Variants in EFCAB3 observed in about 807,000 individuals in gnomAD.
The protein encoded by EFCAB3 is EF-hand calcium binding domain 3, also known as EF-hand calcium-binding domain-containing protein 3.
Under a neutral mutation model 42.2 loss-of-function variants are expected in EFCAB3, and 36 were observed. The observed-to-expected ratio is 0.85, with a 90% CI of 0.65 to 1.13. The LOEUF (loss-of-function observed/expected upper bound fraction) is 1.13, where lower values mean the gene tolerates loss of function less well. Ranked by LOEUF, EFCAB3 falls within the 50% of genes most tolerant of loss-of-function variation. The probability of loss-of-function intolerance (pLI) is 0.00; values close to 1 mark genes in which losing one functional copy is unlikely to be tolerated. For synonymous variants in EFCAB3, 170 were observed against 172.8 expected, an observed-to-expected ratio of 0.98 and a Z score of 0.13; for missense variants, 418 against 505.1, an observed-to-expected ratio of 0.83 and a Z score of 1.65.
At chr17:62,410,254 C>T (rs777490665) in intron 8 of EFCAB3, among the ~76,000 whole-genome samples, 6 of 146,228 alleles carry the variant, frequency 4.1e-5, no homozygotes, top group Non-Finnish European at 7.6e-5. Flanking sequence ...GGGCACAGTG[C>T]CTCATGCCTA....
In EFCAB3 at chr17:62,414,583, TTGTGTGTG is replaced by T. The variant is rs4058759; in HGVS notation, c.990+751_990+758del. Among the ~76,000 whole-genome samples, 55 of 148,806 alleles carry T rather than the reference TTGTGTGTG, an allele frequency of 3.7e-4. No individual in the cohort carries two copies. The East Asian group carries it at 8.3e-3, about 22-fold the overall frequency. On this transcript the variant is annotated intron_variant, in intron 9 of 9. Coordinates refer to ENST00000305286, the MANE Select transcript of EFCAB3 (RefSeq NM_173503.4). ...TATCTCAGGTGTTTGTTTGTTTGTT[TTGTGTGTG>T]TGTGTGTGTGTGTGTGTGTGTTTAA...
chr17:62,405,549 G>A (rs1437785138), intron 6 of EFCAB3, among the ~76,000 whole-genome samples: 2 of 152,248 alleles, frequency 1.3e-5, no homozygotes, highest in African/African-American at 4.8e-5. Context: ...CACTGCCAAA[G>A]CAGTGAGAAG....
At chr17:62,399,188 CTT>C (rs67731944) in intron 6 of EFCAB3, among the ~76,000 whole-genome samples, 49 of 146,932 alleles carry the variant, frequency 3.3e-4, no homozygotes, top group South Asian at 4.3e-4. Context: ...AAGCCAAAGT[CTT>C]TTTTTTTTTT....
Position 62,383,026 on chromosome 17 carries a change from C to T in EFCAB3, c.47C>T (p.Thr16Ile), listed in dbSNP as rs775330331. The T allele has an allele frequency of 8.7e-6, 14 of 1,613,348 alleles. No homozygotes were observed. The Admixed American group carries it at 2.3e-4, about 27-fold the overall frequency. The change falls in exon 2 of 10, where the codon ACA (threonine) becomes ATA (isoleucine). Residue 16 changes from threonine (T) to isoleucine (I), a missense_variant. By Grantham distance (89) the Thr-to-Ile change is moderately conservative. Coordinates refer to ENST00000305286, the MANE Select transcript of EFCAB3 (RefSeq NM_173503.4). ...IKPKLKLNPLTKVPISHNKRD... is the reference protein window; with the variant it reads ...IKPKLKLNPLIKVPISHNKRD... ...CCAAAACTTAAGCTGAATCCTCTAA[C>T]AAAAGTACCCATCTCCCACAATAAA...
chr17:62,392,737 A>G (rs544943526), intron 4 of EFCAB3, among the ~76,000 whole-genome samples: 6 of 151,928 alleles, frequency 3.9e-5, no homozygotes, highest in Non-Finnish European at 7.4e-5. Flanking sequence ...TCCTGGGTTC[A>G]CACCATTCTC....
chr17:62,393,517 C>T, intron 4 of EFCAB3, 56 bp from the exon 5 acceptor site: 1 of 1,323,740 alleles, frequency 7.6e-7, no homozygotes, highest in Non-Finnish European at 1.1e-6. Flanking sequence ...TTAATATATA[C>T]TCTGATAATT....
At chr17:62,383,924 A>G (rs1598007597) in intron 2 of EFCAB3, among the ~76,000 whole-genome samples, 1 of 152,254 alleles carries the variant, frequency 6.6e-6, no homozygotes, top group South Asian at 2.1e-4. Context: ...TACCTGTGAC[A>G]TTAACAATGG....
At chr17:62,399,397 G>T (rs1875664885) in intron 6 of EFCAB3, among the ~76,000 whole-genome samples, 1 of 151,906 alleles carries the variant, frequency 6.6e-6, no homozygotes, top group South Asian at 2.1e-4. Context: ...CAAACTCCTG[G>T]GCTCAAGAGA....
At chr17:62,398,702 TACACACAC>T (rs138374505) in intron 6 of EFCAB3, among the ~76,000 whole-genome samples, 4 of 148,896 alleles carry the variant, frequency 2.7e-5, no homozygotes, top group Admixed American at 1.3e-4. Flanking sequence ...ATTATATATG[TACACACAC>T]ACACACACAC....
At chr17:62,383,096 A>G in intron 2 of EFCAB3, 43 bp downstream of exon 2, 1 of 1,523,434 alleles carries the variant, frequency 6.6e-7, no homozygotes, top group African/African-American at 1.4e-5. Flanking sequence ...ATTATGATAA[A>G]GAATTATTAG....
chr17:62,380,003 CTT>C (rs910744499), upstream of EFCAB3, among the ~76,000 whole-genome samples: 2 of 152,014 alleles, frequency 1.3e-5, no homozygotes, highest in African/African-American at 2.4e-5. Flanking sequence ...CTGATGAAGA[CTT>C]TCTCTTTTTT....
intron 9 of EFCAB3, among the ~76,000 whole-genome samples, chr17:62,414,653 T>C (rs543175021): frequency 2.3e-4 from 35 of 152,232 alleles, no homozygotes; most frequent in Admixed American, 1.3e-4. Flanking sequence ...ACGGGGTACA[T>C]GTGCAGGTTT....
intron 4 of EFCAB3, among the ~76,000 whole-genome samples, chr17:62,392,689 G>C (rs1452930718): frequency 6.6e-6 from 1 of 151,874 alleles, no homozygotes. Context: ...CCAGGCTGGA[G>C]TGCAGTGGCG....
chr17:62,393,373 C>T (rs926316655), intron 4 of EFCAB3, among the ~76,000 whole-genome samples, 200 bp from the exon 5 acceptor site: 1 of 152,172 alleles, frequency 6.6e-6, no homozygotes, highest in African/African-American at 2.4e-5. Flanking sequence ...ACCGTTGCTT[C>T]TGTGGGCTGT....
At position 62,407,228 on chromosome 17, in the gene EFCAB3, T is replaced by G. The variant is rs201347107; in HGVS notation, c.867+16T>G. 6.5e-7 allele frequency: 1 copy of G among 1,538,866 alleles called. No homozygotes were observed. The highest frequency in any genetic ancestry group is 1.4e-5 in the African/African-American group (1 of 71,884). ...GAAAACACAGGTGAGATTTAGATTATGTCACATTAGTTAAATACTTGGATT... is the reference window on the plus strand; with the variant it reads ...GAAAACACAGGTGAGATTTAGATTAGGTCACATTAGTTAAATACTTGGATT... On this transcript the variant is annotated intron_variant, in intron 8 of 9. Coordinates refer to ENST00000305286, the MANE Select transcript of EFCAB3 (RefSeq NM_173503.4).
chr17:62,394,101 CCGCCACCATG>C (rs1460246251), intron 5 of EFCAB3, among the ~76,000 whole-genome samples: 1 of 152,034 alleles, frequency 6.6e-6, no homozygotes, highest in Non-Finnish European at 1.5e-5. Flanking sequence ...CTACAGGCGC[CCGCCACCATG>C]CCCGGCTAAT....
At chr17:62,374,322 G>A (rs1403053990) in intron 2 of EFCAB3, among the ~76,000 whole-genome samples, 1 of 152,048 alleles carries the variant, frequency 6.6e-6, no homozygotes, top group South Asian at 2.1e-4. Context: ...TTAACTGGGC[G>A]TCATGGTGCG....
chr17:62,413,260 G>A (rs756399597), intron 8 of EFCAB3, among the ~76,000 whole-genome samples: 3 of 152,044 alleles, frequency 2.0e-5, no homozygotes, highest in Non-Finnish European at 2.9e-5. Flanking sequence ...ATAAAAATGG[G>A]CAAAGGGTAT....
upstream of EFCAB3, among the ~76,000 whole-genome samples, chr17:62,375,628 C>T (rs1273701989): frequency 6.6e-6 from 1 of 152,198 alleles, no homozygotes; most frequent in East Asian, 1.9e-4. Context: ...TGAAGATTCA[C>T]TAACTGAAGC....
Sources: allele counts gnomAD v4.1 joint callset (sites outside exome capture counted in the v4.1 genomes callset), GRCh38; gene constraint gnomAD v4.1.1; transcripts MANE v1.5; gene names NCBI Gene and HGNC (gene_info 2026-07-23, HGNC 2026-07-21).